PREP: variants seen among roughly 807,000 people sequenced by gnomAD.
The protein encoded by PREP is prolyl endopeptidase, also known as dJ355L5.1 (prolyl endopeptidase).
PREP carries 29 observed loss-of-function variants against 87.6 expected under a neutral mutation model. The ratio of observed to expected loss-of-function variants is 0.33; its 90% CI spans 0.25 to 0.45. The LOEUF is 0.45. Among genes scored for constraint, PREP ranks in the 20% least tolerant of loss-of-function variants. The pLI is 1.00. For missense variants in PREP, 695 were observed against 886.5 expected, an observed-to-expected ratio of 0.78 and a Z score of 2.74; for synonymous variants, 337 against 328.6, an observed-to-expected ratio of 1.03 and a Z score of -0.28.
chr6:105,280,202 ATGAGAAC>A lies in PREP; in HGVS notation c.1838+1537_1838+1543del, dbSNP rs987174745. ...TCCCAGCTACTCAGGTGGCTGAAGC[ATGAGAAC>A]TGAGAACTGCTTGTACCCAGGAGGC... On this transcript the variant is annotated intron_variant, in intron 14 of 14. Transcript: ENST00000652536. 1.1e-4 allele frequency among the ~76,000 whole-genome samples: 16 copies of A among 152,322 alleles called. 1 individual carries two copies. In the East Asian group the frequency reaches 2.5e-3, roughly 24 times the overall value.
In PREP at chr6:105,328,822, C is replaced by A. The variant is rs1200637108; in HGVS notation, c.1213+7G>T. On this transcript the variant is annotated splice_region_variant and intron_variant, in intron 9 of 14. Transcript: ENST00000652536. Reference sequence around the variant, plus strand: ...AAAGTGAACAGCAACAGTGAAAAAACACTTACCTGGAGATAAAAAGGAAGT... The same window carrying A: ...AAAGTGAACAGCAACAGTGAAAAAAAACTTACCTGGAGATAAAAAGGAAGT... 6.2e-7 allele frequency: 1 copy of A among 1,613,572 alleles called. No homozygotes were observed. The highest frequency in any genetic ancestry group is 1.7e-5 in the Admixed American group (1 of 60,018).
At chr6:105,312,463 G>A (rs1253227832) in intron 10 of PREP, among the ~76,000 whole-genome samples, 1 of 152,198 alleles carries the variant, frequency 6.6e-6, no homozygotes, top group African/African-American at 2.4e-5. Flanking sequence ...TTTCTCTAGT[G>A]TCTTAACAAA....
At position 105,389,943 on chromosome 6, in the gene PREP, G is replaced by A. The variant is rs1215777515; in HGVS notation, c.120+7910C>T. On this transcript the variant is annotated intron_variant, in intron 2 of 14. Transcript: ENST00000652536. ...ACAAAAAGACTTCAGGACAGACAAT[G>A]AAGGGCACCTGGGAAAGCAGACGTT... 2.6e-5 allele frequency among the ~76,000 whole-genome samples: 4 copies of A among 152,164 alleles called. No homozygotes were observed. In the East Asian group the frequency reaches 7.7e-4, roughly 29 times the overall value.
At chr6:105,307,185 G>C (rs539788743) in intron 10 of PREP, among the ~76,000 whole-genome samples, 46 of 152,204 alleles carry the variant, frequency 3.0e-4, no homozygotes, top group African/African-American at 1.1e-3. Context: ...TAGTGGCTTT[G>C]GCTTTTCTAA....
chr6:105,285,898 C>T lies in PREP; in HGVS notation c.1455-318G>A, dbSNP rs539936215. ...TCAAGTGATCCTTCTGCCTCAGCCT[C>T]CTGAGTAGCTGGAATTACAGGTGTG... On this transcript the variant is annotated intron_variant, in intron 11 of 14. Transcript: ENST00000652536. 2.6e-5 allele frequency among the ~76,000 whole-genome samples: 4 copies of T among 152,312 alleles called. No individual in the cohort carries two copies. In the East Asian group the frequency reaches 7.7e-4, roughly 29 times the overall value.
chr6:105,365,160 T>C lies in PREP; in HGVS notation c.717+3743A>G, dbSNP rs77296552. Among the ~76,000 whole-genome samples, 183 of 152,286 alleles carry C rather than the reference T, an allele frequency of 1.2e-3. 6 individuals are homozygous for C. In the East Asian group the frequency reaches 0.032, roughly 26 times the overall value. On this transcript the variant is annotated intron_variant, in intron 6 of 14. Transcript: ENST00000652536. ...TACTCGGGAGGCTGAGGCAAGAGAA[T>C]TGCTTGAACTTGGGAAGCGGAGGTT...
chr6:105,385,138 A>G (rs1772954431), intron 2 of PREP, among the ~76,000 whole-genome samples: 1 of 152,190 alleles, frequency 6.6e-6, no homozygotes, highest in Non-Finnish European at 1.5e-5. Flanking sequence ...GGGATGACTG[A>G]GCAAGTTCTC....
In PREP at chr6:105,340,115, G is replaced by A. The variant is rs1771599570; in HGVS notation, c.824-6610C>T. 2.0e-5 allele frequency among the ~76,000 whole-genome samples: 3 copies of A among 152,096 alleles called. No homozygotes were observed. The South Asian group carries it at 6.2e-4, about 32-fold the overall frequency. The stretch of plus-strand genomic sequence containing the variant: ...TCAGATTCACCAAGGTTGAAATGAA[G>A]GAAAAAATGTTAAGGGCAGCCAGAG... On this transcript the variant is annotated intron_variant, in intron 7 of 14. Coordinates refer to ENST00000652536, the MANE Select transcript of PREP (RefSeq NM_002726.5).
intron 2 of PREP, among the ~76,000 whole-genome samples, chr6:105,396,413 AAG>A (rs1247644129): frequency 6.6e-6 from 1 of 152,160 alleles, no homozygotes; most frequent in African/African-American, 2.4e-5. Context: ...AGGAAGAAGA[AAG>A]AGATGATCAT....
At chr6:105,286,742 C>T (rs1770195449) in intron 11 of PREP, among the ~76,000 whole-genome samples, 2 of 151,636 alleles carry the variant, frequency 1.3e-5, no homozygotes, top group East Asian at 2.0e-4. Flanking sequence ...TCCAACCACA[C>T]CTTATTAGCC....
intron 10 of PREP, chr6:105,322,814 C>T (rs1020890891): frequency 2.1e-5 from 23 of 1,113,642 alleles, no homozygotes; most frequent in Admixed American, 4.0e-5. Context: ...TAGATGTAGC[C>T]TATCATCTAG....
chr6:105,283,999 T>A (rs1218468247), intron 12 of PREP, among the ~76,000 whole-genome samples: 1 of 152,168 alleles, frequency 6.6e-6, no homozygotes, highest in Non-Finnish European at 1.5e-5. Context: ...GTATGGTGCA[T>A]AAACTACATA....
At chr6:105,306,340 G>C (rs1030849032) in intron 10 of PREP, among the ~76,000 whole-genome samples, 2 of 152,116 alleles carry the variant, frequency 1.3e-5, no homozygotes, top group Admixed American at 1.3e-4. Flanking sequence ...AACAAAGTCT[G>C]TATGTGGAGT....
rs1769945343 is a variant in PREP, at chr6:105,276,953, T to C, written c.*1191A>G. On this transcript the variant is annotated 3_prime_UTR_variant, in exon 15 of 15. Transcript: ENST00000652536. ...GCTATTTTATATAAGGTTAAGATAC[T>C]ATATAAAATAATAATTTTTATCATA... Among the ~76,000 whole-genome samples, 3 of 151,920 alleles carry C rather than the reference T, an allele frequency of 2.0e-5. No individual in the cohort carries two copies. The highest frequency in any genetic ancestry group is 2.0e-4 in the Admixed American group (3 of 15,260).
chr6:105,281,583 A>G, intron 14 of PREP, 163 bp downstream of exon 14: 1 of 861,904 alleles, frequency 1.2e-6, no homozygotes, highest in Non-Finnish European at 1.7e-6. Flanking sequence ...TCAAGACCAT[A>G]TTAAATCAAG....
At chr6:105,338,459 A>G (rs1771535848) in intron 7 of PREP, among the ~76,000 whole-genome samples, 1 of 152,240 alleles carries the variant, frequency 6.6e-6, no homozygotes, top group Admixed American at 6.5e-5. Context: ...GCTCCAATCT[A>G]CAGCTCCCAG....
At chr6:105,348,516 T>C (rs1470032010) in intron 7 of PREP, among the ~76,000 whole-genome samples, 1 of 152,004 alleles carries the variant, frequency 6.6e-6, no homozygotes, top group African/African-American at 2.4e-5. Flanking sequence ...TGCTTTTGTA[T>C]GGAGAGAAAT....
chr6:105,344,721 C>A (rs535336724), intron 7 of PREP, among the ~76,000 whole-genome samples: 1 of 152,192 alleles, frequency 6.6e-6, no homozygotes, highest in Non-Finnish European at 1.5e-5. Context: ...GGAGATACAC[C>A]TAATGTAAAT....
rs1769964967 is a variant in PREP, at chr6:105,277,344, AG to A, written c.*799del. On this transcript the variant is annotated 3_prime_UTR_variant, in exon 15 of 15. Transcript: ENST00000652536. ...TTGGAACCAAGGATCCTTGGATCCA[AG>A]GAACTCTGATTTCTAGGAATACTTT... is the stretch of plus-strand genomic sequence containing the variant. 1.3e-5 allele frequency among the ~76,000 whole-genome samples: 2 copies of A among 152,176 alleles called. No homozygotes were observed. Among genetic ancestry groups the A allele is most frequent in the African/African-American group, 4.8e-5 (2 of 41,442 alleles).
Sources: gnomAD v4.1 joint callset for allele counts (sites outside exome capture counted in the v4.1 genomes callset) on GRCh38, gnomAD v4.1.1 for gene constraint, MANE v1.5 for transcripts, NCBI Gene and HGNC (gene_info 2026-07-23, HGNC 2026-07-21) for gene names.